DCP1A: variants seen among roughly 807,000 people sequenced by gnomAD.
DCP1A encodes mRNA-decapping enzyme 1A.
DCP1A carries 20 observed loss-of-function variants against 58.0 expected under a neutral mutation model. That is an observed-to-expected ratio of 0.34 (90% confidence interval 0.24 to 0.50). DCP1A has a LOEUF of 0.50. Among genes scored for constraint, DCP1A ranks in the 20% least tolerant of loss-of-function variants. The probability of loss-of-function intolerance (pLI) is 0.98; values close to 1 mark genes in which losing one functional copy is unlikely to be tolerated. For missense variants in DCP1A, 613 were observed against 712.2 expected, an observed-to-expected ratio of 0.86 and a Z score of 1.59; for synonymous variants, 285 against 275.1, an observed-to-expected ratio of 1.04 and a Z score of -0.36.
chr3:53,293,776 C>T (rs1041760408), intron 6 of DCP1A, among the ~76,000 whole-genome samples: 11 of 152,276 alleles, frequency 7.2e-5, no homozygotes, highest in Admixed American at 2.0e-4. Flanking sequence ...ATGGTATGAT[C>T]ACATTTCTAC....
intron 5 of DCP1A, among the ~76,000 whole-genome samples, chr3:53,307,342 T>G (rs1707506307): frequency 6.6e-6 from 1 of 152,066 alleles, no homozygotes; most frequent in Admixed American, 6.6e-5. Flanking sequence ...AAGCCCCAGA[T>G]TTGTAATTTT....
At chr3:53,304,086 A>C (rs1468395462) in intron 6 of DCP1A, 91 bp downstream of exon 6, 2 of 902,208 alleles carry the variant, frequency 2.2e-6, no homozygotes, top group Admixed American at 4.5e-5. Context: ...ACCTTGACAC[A>C]ACTGACAAAT....
intron 5 of DCP1A, among the ~76,000 whole-genome samples, chr3:53,307,108 C>T (rs1279281105): frequency 6.6e-6 from 1 of 151,720 alleles, no homozygotes; most frequent in African/African-American, 2.4e-5. Flanking sequence ...ACCACCACAC[C>T]CAGCTAATTT....
intron 4 of DCP1A, among the ~76,000 whole-genome samples, chr3:53,315,788 C>G (rs1559694592): frequency 8.7e-6 from 1 of 114,924 alleles, no homozygotes; most frequent in African/African-American, 3.3e-5. Context: ...GAGTCTCGCT[C>G]TGTCGCCCAG....
At chr3:53,315,341 C>A (rs2106841742) in intron 4 of DCP1A, among the ~76,000 whole-genome samples, 1 of 152,048 alleles carries the variant, frequency 6.6e-6, no homozygotes, top group Middle Eastern at 3.4e-3. Context: ...AGTTCAAGGT[C>A]AGCCAGGTCA....
In DCP1A at chr3:53,308,545, C is replaced by T. The variant is rs547050686; in HGVS notation, c.510+3696G>A. 4.2e-4 allele frequency among the ~76,000 whole-genome samples: 64 copies of T among 152,292 alleles called. 1 individual carries two copies. The highest frequency in any genetic ancestry group is 6.8e-3 in the Middle Eastern group (2 of 294). ...ATTCTCCTGCTCCAGCCTTCCAAAG[C>T]GCTGGGATTATAGACATAGCCACAG... On this transcript the variant is annotated intron_variant, in intron 5 of 9. Coordinates refer to ENST00000610213, the MANE Select transcript of DCP1A (RefSeq NM_018403.7).
rs114999718 is a variant in DCP1A at position 53,299,319 on chromosome 3, T to C, written c.624+4858A>G. On this transcript the variant is annotated intron_variant, in intron 6 of 9. Coordinates refer to ENST00000610213, the MANE Select transcript of DCP1A (RefSeq NM_018403.7). ...CATCCACAGAAAAGGTAAAATGTTATTCTTTCCTCATGCTTGAACATGCTT... is the reference window on the plus strand; with the variant it reads ...CATCCACAGAAAAGGTAAAATGTTACTCTTTCCTCATGCTTGAACATGCTT... Among the ~76,000 whole-genome samples, 1,460 of 152,362 alleles carry C rather than the reference T, an allele frequency of 9.6e-3. 25 individuals are homozygous for C. The highest frequency in any genetic ancestry group is 0.034 in the African/African-American group (1,396 of 41,584).
intron 4 of DCP1A, among the ~76,000 whole-genome samples, chr3:53,313,784 G>C (rs1707718911): frequency 6.6e-6 from 1 of 151,824 alleles, no homozygotes; most frequent in East Asian, 1.9e-4. Flanking sequence ...AGCCTGCACA[G>C]GAGCTCTCAT....
chr3:53,293,422 A>C (rs1553686435), intron 6 of DCP1A, among the ~76,000 whole-genome samples: 2 of 152,210 alleles, frequency 1.3e-5, no homozygotes, highest in Non-Finnish European at 2.9e-5. Context: ...AAGGAAAAAC[A>C]TTCGTGTTTT....
chr3:53,306,581 C>T (rs1707477702), intron 5 of DCP1A, among the ~76,000 whole-genome samples: 1 of 151,708 alleles, frequency 6.6e-6, no homozygotes, highest in Non-Finnish European at 1.5e-5. Context: ...ACCATCCTGG[C>T]TAACACTGTG....
At chr3:53,312,829 G>A (rs1553688831) in intron 4 of DCP1A, among the ~76,000 whole-genome samples, 1 of 152,022 alleles carries the variant, frequency 6.6e-6, no homozygotes, top group Non-Finnish European at 1.5e-5. Flanking sequence ...CAGAACTTCA[G>A]TTACCTCATT....
chr3:53,344,605 T>C lies in DCP1A; in HGVS notation c.176+297A>G, dbSNP rs181761453. ...TTCCCCAAATATATATCTTTCTTTT[T>C]CTTTCTAATATGGGGGTAGGAAGAG... On this transcript the variant is annotated intron_variant, in intron 2 of 9. Coordinates refer to ENST00000610213, the MANE Select transcript of DCP1A (RefSeq NM_018403.7). Among the ~76,000 whole-genome samples the C allele has an allele frequency of 5.3e-5, 8 of 152,328 alleles. No individual in the cohort carries two copies. The East Asian group carries it at 1.5e-3, about 29-fold the overall frequency.
intron 1 of DCP1A, among the ~76,000 whole-genome samples, chr3:53,345,426 G>A (rs11925433): frequency 0.043 from 6,612 of 152,088 alleles, 472 homozygotes; most frequent in African/African-American, 0.15. Flanking sequence ...CAAATTTTGT[G>A]GTTAAGAATT....
chr3:53,324,474 A>G (rs182432333), intron 3 of DCP1A, among the ~76,000 whole-genome samples: 46 of 152,346 alleles, frequency 3.0e-4, no homozygotes, highest in African/African-American at 1.0e-3. Flanking sequence ...CCCTCTAGAG[A>G]ACTTACACTC....
rs146741217 is a variant in DCP1A at position 53,335,108 on chromosome 3, C to T, written c.304+7036G>A. Reference sequence around the variant, plus strand: ...CTGGGTGTGTGTGTGTGTGTGTGCACGCGCATGTGTATATATATATATTTT... The same window carrying T: ...CTGGGTGTGTGTGTGTGTGTGTGCATGCGCATGTGTATATATATATATTTT... On this transcript the variant is annotated intron_variant, in intron 3 of 9. Transcript: ENST00000610213. 2.9e-3 allele frequency among the ~76,000 whole-genome samples: 441 copies of T among 150,152 alleles called. 1 individual carries two copies. The highest frequency in any genetic ancestry group is 0.01 in the African/African-American group (420 of 41,002).
intron 5 of DCP1A, 93 bp downstream of exon 5, chr3:53,312,148 A>T: frequency 7.2e-7 from 1 of 1,387,242 alleles, no homozygotes; most frequent in Non-Finnish European, 9.7e-7. Flanking sequence ...CCGTCCCTGG[A>T]GGCCAGCTTC....
At chr3:53,325,263 A>C (rs1409370765) in intron 3 of DCP1A, among the ~76,000 whole-genome samples, 1 of 152,240 alleles carries the variant, frequency 6.6e-6, no homozygotes, top group Non-Finnish European at 1.5e-5. Flanking sequence ...AGACTTCTAG[A>C]GATGCTGTGA....
chr3:53,335,243 C>T (rs910553844), intron 3 of DCP1A, among the ~76,000 whole-genome samples: 4 of 151,994 alleles, frequency 2.6e-5, no homozygotes, highest in Admixed American at 2.0e-4. Context: ...CGGGTTCAAG[C>T]GATTTTCCTG....
In DCP1A at chr3:53,292,261, T is replaced by C; in HGVS notation, c.1191A>G (p.Lys397=). Residue 397 remains lysine (K), a synonymous_variant, in exon 7 of 10, where the codon AAA becomes AAG. Transcript: ENST00000610213. ...GGTCATGCTGTGGGGTCAACCTGAG[T>C]TTCTGGAGAAGATCAACGCTTGGGA... ...TSLPSVDLLQ[K]LRLTPQHDQI... The C allele has an allele frequency of 6.2e-7, 1 of 1,613,864 alleles. No individual in the cohort carries two copies. Among genetic ancestry groups the C allele is most frequent in the Non-Finnish European group, 8.5e-7 (1 of 1,179,858 alleles).
Sources: gnomAD v4.1 joint callset for allele counts (sites outside exome capture counted in the v4.1 genomes callset) on GRCh38, gnomAD v4.1.1 for gene constraint, MANE v1.5 for transcripts, NCBI Gene and HGNC (gene_info 2026-07-23, HGNC 2026-07-21) for gene names.